ADAMTS17: variants seen among roughly 807,000 people sequenced by gnomAD.
ADAMTS17 encodes A disintegrin and metalloproteinase with thrombospondin motifs 17.
Under a neutral mutation model 141.5 loss-of-function variants are expected in ADAMTS17, and 113 were observed. The ratio of observed to expected loss-of-function variants is 0.80; its 90% CI spans 0.69 to 0.93. The LOEUF (loss-of-function observed/expected upper bound fraction) is 0.93. ADAMTS17 is among the 40% of genes least tolerant of loss of function. The pLI is 0.00. For missense variants in ADAMTS17, 1,659 were observed against 1,517.9 expected (o/e 1.09, Z -1.54); for synonymous variants, 768 against 630.6 (o/e 1.22, Z -3.27).
At chr15:100,216,375 G>A (rs1336939937) in intron 7 of ADAMTS17, among the ~76,000 whole-genome samples, 1 of 152,238 alleles carries the variant, frequency 6.6e-6, no homozygotes, top group South Asian at 2.1e-4. Context: ...TGCCAGCGTA[G>A]AGGCTGTGAA....
intron 2 of ADAMTS17, among the ~76,000 whole-genome samples, chr15:100,333,143 C>A (rs929342489): frequency 6.6e-6 from 1 of 152,210 alleles, no homozygotes; most frequent in Non-Finnish European, 1.5e-5. Context: ...AATAAACCCC[C>A]TTCCCCGCAG....
intron 3 of ADAMTS17, among the ~76,000 whole-genome samples, chr15:100,310,902 T>G (rs550294143): frequency 6.6e-6 from 1 of 152,196 alleles, no homozygotes; most frequent in African/African-American, 2.4e-5. Flanking sequence ...GTCGTGCACA[T>G]GAAATTGCCT....
intron 15 of ADAMTS17, among the ~76,000 whole-genome samples, chr15:100,083,752 G>C (rs953035794): frequency 6.7e-6 from 1 of 149,742 alleles, no homozygotes; most frequent in African/African-American, 2.5e-5. Flanking sequence ...TGGTCATCTA[G>C]TATGATGCTT....
Position 100,121,397 on chromosome 15 carries a change from A to G in ADAMTS17, c.1722-4384T>C, listed in dbSNP as rs552346571. Among the ~76,000 whole-genome samples, 110 of 152,356 alleles carry G rather than the reference A, an allele frequency of 7.2e-4. 1 individual carries two copies. Among genetic ancestry groups the G allele is most frequent in the Admixed American group, 2.0e-3 (30 of 15,312 alleles). On this transcript the variant is annotated intron_variant, in intron 12 of 21. Coordinates refer to ENST00000268070, the MANE Select transcript of ADAMTS17 (RefSeq NM_139057.4). ...GATACAAGGACCCATACTAAGACAC[A>G]TTGTAATTAAACTGCCAAAAGACAA...
At chr15:100,042,449 C>T (rs2031337662) in intron 18 of ADAMTS17, among the ~76,000 whole-genome samples, 1 of 152,144 alleles carries the variant, frequency 6.6e-6, no homozygotes, top group South Asian at 2.1e-4. Flanking sequence ...TCTTCTTTTT[C>T]TTCACAATTT....
At chr15:100,121,457 C>T (rs1422750106) in intron 12 of ADAMTS17, among the ~76,000 whole-genome samples, 1 of 152,150 alleles carries the variant, frequency 6.6e-6, no homozygotes, top group Non-Finnish European at 1.5e-5. Flanking sequence ...AGAGAAGTGA[C>T]ATATCCCATA....
At chr15:100,003,108 G>C (rs940298291) in intron 18 of ADAMTS17, among the ~76,000 whole-genome samples, 1 of 152,024 alleles carries the variant, frequency 6.6e-6, no homozygotes. Flanking sequence ...AGCTCCACCT[G>C]CCGAGAGCAC....
At chr15:100,177,580 T>C (rs548291736) in intron 8 of ADAMTS17, among the ~76,000 whole-genome samples, 1 of 152,236 alleles carries the variant, frequency 6.6e-6, no homozygotes, top group Non-Finnish European at 1.5e-5. Flanking sequence ...TCTATAATGC[T>C]GAATGTTCCA....
intron 12 of ADAMTS17, among the ~76,000 whole-genome samples, chr15:100,122,537 A>C (rs943249823): frequency 2.6e-5 from 4 of 152,198 alleles, no homozygotes; most frequent in Admixed American, 2.0e-4. Flanking sequence ...TGGGGGTTAG[A>C]AATGCTGACC....
chr15:99,999,758 G>T (rs1411217777), intron 18 of ADAMTS17, among the ~76,000 whole-genome samples: 1 of 152,156 alleles, frequency 6.6e-6, no homozygotes, highest in South Asian at 2.1e-4. Flanking sequence ...CAGAGAGGAG[G>T]CTCCTACGGC....
At chr15:100,309,427 C>A (rs2045332916) in intron 3 of ADAMTS17, among the ~76,000 whole-genome samples, 1 of 152,208 alleles carries the variant, frequency 6.6e-6, no homozygotes, top group Non-Finnish European at 1.5e-5. Context: ...GGATGGAACC[C>A]ACTGCAACCT....
intron 15 of ADAMTS17, among the ~76,000 whole-genome samples, chr15:100,074,880 A>G (rs977660054): frequency 6.6e-6 from 1 of 152,158 alleles, no homozygotes. Context: ...ATGACTTATT[A>G]ATTTCCTCTA....
At chr15:100,320,441 T>C (rs2141902688) in intron 3 of ADAMTS17, among the ~76,000 whole-genome samples, 1 of 152,348 alleles carries the variant, frequency 6.6e-6, no homozygotes, top group South Asian at 2.1e-4. Context: ...GCAGAGGACC[T>C]TTTGTAACAA....
chr15:100,338,514 C>A (rs566301397), intron 2 of ADAMTS17, among the ~76,000 whole-genome samples: 1 of 152,160 alleles, frequency 6.6e-6, no homozygotes, highest in African/African-American at 2.4e-5. Context: ...GTATGCCATC[C>A]GTAGCTGTAG....
intron 4 of ADAMTS17, among the ~76,000 whole-genome samples, chr15:100,275,192 A>G (rs548158651): frequency 6.6e-6 from 1 of 152,360 alleles, no homozygotes; most frequent in Admixed American, 6.5e-5. Context: ...CATTCCTGAC[A>G]AAGACAGTAA....
intron 15 of ADAMTS17, among the ~76,000 whole-genome samples, chr15:100,061,200 C>T (rs759146524): frequency 1.3e-5 from 2 of 152,166 alleles, no homozygotes; most frequent in East Asian, 1.9e-4. Flanking sequence ...AGTCTCCATC[C>T]GGCAGTCTCT....
At chr15:100,329,535 A>T (rs986889946) in intron 3 of ADAMTS17, among the ~76,000 whole-genome samples, 3 of 151,940 alleles carry the variant, frequency 2.0e-5, no homozygotes, top group Non-Finnish European at 4.4e-5. Context: ...CCAAAAAAAA[A>T]AAAAAAGCCA....
chr15:100,118,753 T>C (rs1374065202), intron 12 of ADAMTS17, among the ~76,000 whole-genome samples: 2 of 152,080 alleles, frequency 1.3e-5, no homozygotes, highest in African/African-American at 2.4e-5. Flanking sequence ...AAAAGCCACA[T>C]GGATCAGTAG....
At chr15:100,224,360 TGGG>T (rs911136576) in intron 7 of ADAMTS17, among the ~76,000 whole-genome samples, 1 of 152,040 alleles carries the variant, frequency 6.6e-6, no homozygotes, top group Admixed American at 6.6e-5. Flanking sequence ...GGGAACAGGA[TGGG>T]GAGGCTTTGG....
Sources: gnomAD v4.1 joint callset for allele counts (sites outside exome capture counted in the v4.1 genomes callset) on GRCh38, gnomAD v4.1.1 for gene constraint, MANE v1.5 for transcripts, NCBI Gene and HGNC (gene_info 2026-07-23, HGNC 2026-07-21) for gene names.